PTN: variants seen among roughly 807,000 people sequenced by gnomAD.
PTN encodes the protein pleiotrophin.
PTN carries 18 observed loss-of-function variants against 24.1 expected under a neutral mutation model. The observed-to-expected ratio is 0.75, with a 90% CI of 0.52 to 1.11. The LOEUF (loss-of-function observed/expected upper bound fraction) is 1.11, where lower values mean the gene tolerates loss of function less well. PTN is among the 50% of genes least tolerant of loss of function. The pLI is 0.00. For missense variants in PTN, 163 were observed against 198.8 expected, an observed-to-expected ratio of 0.82 and a Z score of 1.08; for synonymous variants, 78 against 68.6, an observed-to-expected ratio of 1.14 and a Z score of -0.67.
chr7:137,277,793 C>A (rs1809385875), intron 1 of PTN, among the ~76,000 whole-genome samples: 1 of 152,044 alleles, frequency 6.6e-6, no homozygotes, highest in South Asian at 2.1e-4. Context: ...TGGTCTCAAA[C>A]TCCTGGGTTC....
chr7:137,240,116 A>G (rs1238072144), intron 4 of PTN, among the ~76,000 whole-genome samples: 1 of 151,846 alleles, frequency 6.6e-6, no homozygotes, highest in Non-Finnish European at 1.5e-5. Flanking sequence ...CTTTCCCATC[A>G]CTCTATCACT....
intron 1 of PTN, among the ~76,000 whole-genome samples, chr7:137,297,695 T>G (rs965520051): frequency 6.6e-6 from 1 of 151,954 alleles, no homozygotes; most frequent in African/African-American, 2.4e-5. Context: ...TATCCAACAC[T>G]TTGAATTCCC....
intron 1 of PTN, among the ~76,000 whole-genome samples, chr7:137,334,980 G>A (rs188706063): frequency 2.1e-5 from 3 of 144,504 alleles, no homozygotes; most frequent in East Asian, 2.1e-4. Context: ...ACTCATAGGT[G>A]AGAATTGAAC....
intron 1 of PTN, among the ~76,000 whole-genome samples, chr7:137,314,963 G>A (rs559932897): frequency 1.3e-5 from 2 of 152,258 alleles, no homozygotes; most frequent in Admixed American, 6.5e-5. Context: ...TTTAGACATT[G>A]TTAACTATTA....
At position 137,234,014 on chromosome 7, in the gene PTN, T is replaced by G. The variant is rs142458870; in HGVS notation, c.452-5939A>C. ...CACACATACATAGAGAGAGAGAGAT[T>G]ACTCATAACTTCACAATGTAGAAAC... On this transcript the variant is annotated intron_variant, in intron 4 of 4. Transcript: ENST00000348225. 2.8e-3 allele frequency among the ~76,000 whole-genome samples: 419 copies of G among 150,718 alleles called. 3 individuals carry two copies. The highest frequency in any genetic ancestry group is 9.8e-3 in the African/African-American group (405 of 41,276).
intron 1 of PTN, among the ~76,000 whole-genome samples, chr7:137,312,429 C>T (rs961773360): frequency 1.3e-5 from 2 of 152,218 alleles, no homozygotes; most frequent in African/African-American, 4.8e-5. Flanking sequence ...TGCTCAAAGA[C>T]ACACTATGCC....
At chr7:137,232,685 G>C (rs1201334200) in intron 4 of PTN, among the ~76,000 whole-genome samples, 1 of 151,980 alleles carries the variant, frequency 6.6e-6, no homozygotes, top group Non-Finnish European at 1.5e-5. Flanking sequence ...AAGACAGGCA[G>C]TGATATGGTT....
At chr7:137,313,984 A>G (rs1810027429) in intron 1 of PTN, among the ~76,000 whole-genome samples, 1 of 152,168 alleles carries the variant, frequency 6.6e-6, no homozygotes, top group South Asian at 2.1e-4. Context: ...GGTCTGAGAA[A>G]TCACATTTGG....
chr7:137,318,339 A>G (rs1176303574), intron 1 of PTN, among the ~76,000 whole-genome samples: 1 of 152,178 alleles, frequency 6.6e-6, no homozygotes, highest in Non-Finnish European at 1.5e-5. Context: ...TGAACCAGGT[A>G]TTTCAACACT....
intron 1 of PTN, among the ~76,000 whole-genome samples, chr7:137,285,543 G>A (rs1333142999): frequency 1.3e-5 from 2 of 152,052 alleles, no homozygotes; most frequent in East Asian, 1.9e-4. Flanking sequence ...GCGTGTGCCT[G>A]TAGTCAGTCC....
intron 4 of PTN, among the ~76,000 whole-genome samples, chr7:137,250,165 G>A (rs928877522): frequency 1.8e-4 from 27 of 152,252 alleles, no homozygotes; most frequent in Admixed American, 3.3e-4. Flanking sequence ...AGTTCATTGA[G>A]TCCCATTGTA....
chr7:137,249,512 G>A (rs998488412), intron 4 of PTN, among the ~76,000 whole-genome samples: 74 of 152,248 alleles, frequency 4.9e-4, no homozygotes, highest in African/African-American at 1.6e-3. Context: ...AGCCCAGGTT[G>A]AGCATCACTG....
At chr7:137,272,641 CT>C (rs1241344297) in intron 1 of PTN, among the ~76,000 whole-genome samples, 3 of 152,108 alleles carry the variant, frequency 2.0e-5, no homozygotes, top group African/African-American at 7.2e-5. Context: ...ACTATCATGT[CT>C]TTAAATCTCT....
At chr7:137,339,184 G>A (rs1307250165) in intron 1 of PTN, among the ~76,000 whole-genome samples, 2 of 152,080 alleles carry the variant, frequency 1.3e-5, no homozygotes, top group Non-Finnish European at 2.9e-5. Flanking sequence ...CCAGAGATGG[G>A]TGAGGGTATA....
At chr7:137,307,827 A>T (rs1563219313) in intron 1 of PTN, among the ~76,000 whole-genome samples, 7 of 152,178 alleles carry the variant, frequency 4.6e-5, no homozygotes, top group Non-Finnish European at 1.5e-5. Context: ...TGAAGGGCAG[A>T]GCCAGAGGCA....
At chr7:137,322,483 C>T (rs1346859972) in intron 1 of PTN, among the ~76,000 whole-genome samples, 3 of 152,006 alleles carry the variant, frequency 2.0e-5, no homozygotes, top group Non-Finnish European at 2.9e-5. Flanking sequence ...TAAAACTGAC[C>T]TTGTTTTAAG....
At chr7:137,275,523 C>T (rs1044225611) in intron 1 of PTN, among the ~76,000 whole-genome samples, 4 of 152,004 alleles carry the variant, frequency 2.6e-5, no homozygotes, top group Admixed American at 1.3e-4. Flanking sequence ...GATTATATAC[C>T]ACATCTTTGT....
intron 1 of PTN, among the ~76,000 whole-genome samples, chr7:137,277,024 T>C (rs532045114): frequency 6.6e-6 from 1 of 152,342 alleles, no homozygotes; most frequent in South Asian, 2.1e-4. Context: ...TATACAACTA[T>C]ATGTTTACAA....
At chr7:137,303,496 A>C (rs1284430630) in intron 1 of PTN, among the ~76,000 whole-genome samples, 1 of 151,984 alleles carries the variant, frequency 6.6e-6, no homozygotes, top group Admixed American at 6.6e-5. Flanking sequence ...CCTAGCATAT[A>C]AAAATGCTTA....
Sources: allele counts gnomAD v4.1 joint callset (sites outside exome capture counted in the v4.1 genomes callset), GRCh38; gene constraint gnomAD v4.1.1; transcripts MANE v1.5; gene names NCBI Gene and HGNC (gene_info 2026-07-23, HGNC 2026-07-21).